CEP83: variants seen among roughly 807,000 people sequenced by gnomAD.
The protein encoded by CEP83 is centrosomal protein 83, also known as centrosomal protein of 83 kDa.
Under a neutral mutation model 101.9 loss-of-function variants are expected in CEP83, and 70 were observed. The ratio of observed to expected loss-of-function variants is 0.69; its 90% confidence interval spans 0.57 to 0.84. The LOEUF is 0.84. Among genes scored for constraint, CEP83 ranks in the 40% least tolerant of loss-of-function variants. The probability of loss-of-function intolerance (pLI) is 0.00; values close to 1 mark genes in which losing one functional copy is unlikely to be tolerated. For synonymous variants in CEP83, 264 were observed against 267.9 expected, an observed-to-expected ratio of 0.99 and a Z score of 0.14; for missense variants, 715 against 787.2, an observed-to-expected ratio of 0.91 and a Z score of 1.10.
the CEP83 span, chr12:94,282,916 G>C: frequency 6.5e-6 from 1 of 153,934 alleles, no homozygotes; most frequent in Admixed American, 6.4e-5. Context: ...GAGTGCCGAG[G>C]GCGGTGAGGG....
intron 14 of CEP83, among the ~76,000 whole-genome samples, chr12:94,314,503 C>T (rs1194514112): frequency 6.6e-6 from 1 of 152,200 alleles, no homozygotes; most frequent in Non-Finnish European, 1.5e-5. Context: ...TTATTTCACT[C>T]AACATTGTTA....
chr12:94,284,300 G>A, the CEP83 span, among the ~76,000 whole-genome samples: 1 of 152,178 alleles, frequency 6.6e-6, no homozygotes, highest in Admixed American at 6.5e-5. Context: ...AGGTGGTTTT[G>A]GGAAAGGGCT....
At chr12:94,323,513 T>C (rs1251471802) in intron 14 of CEP83, among the ~76,000 whole-genome samples, 3 of 152,074 alleles carry the variant, frequency 2.0e-5, no homozygotes, top group Non-Finnish European at 4.4e-5. Flanking sequence ...TGATTGCTCT[T>C]CTCCATTCTT....
intron 14 of CEP83, among the ~76,000 whole-genome samples, chr12:94,329,224 A>G (rs2059103369): frequency 1.3e-5 from 2 of 152,060 alleles, no homozygotes; most frequent in South Asian, 4.1e-4. Flanking sequence ...CTGTCACAAT[A>G]CTAATGAAAT....
chr12:94,300,929 G>T, the CEP83 span: 1 of 1,612,910 alleles, frequency 6.2e-7, no homozygotes, highest in Non-Finnish European at 8.5e-7. Flanking sequence ...TCGCTTCTGG[G>T]TAAACATCCT....
chr12:94,402,518 C>G (rs921077663), intron 5 of CEP83, among the ~76,000 whole-genome samples: 2 of 152,020 alleles, frequency 1.3e-5, no homozygotes, highest in African/African-American at 4.8e-5. Flanking sequence ...CAAAGTAGGC[C>G]CCATTGAGAA....
intron 11 of CEP83, among the ~76,000 whole-genome samples, chr12:94,353,131 G>A (rs545118839): frequency 1.2e-4 from 18 of 152,172 alleles, no homozygotes; most frequent in East Asian, 7.7e-4. Context: ...GAAAATCCCC[G>A]TGAGACAAAC....
intron 1 of CEP83, among the ~76,000 whole-genome samples, chr12:94,436,845 G>T (rs895486193): frequency 6.7e-6 from 1 of 148,212 alleles, no homozygotes; most frequent in Non-Finnish European, 1.5e-5. Context: ...AAAAAAGAAA[G>T]AAGGAAAGAA....
chr12:94,308,734 TA>T lies in CEP83; in HGVS notation c.*78del. ...GTTTTGGCAAACAGTAAAAAGTATCTAAATGCCACAGGTTAAAATGTCAAGT... is the reference window on the plus strand; with the variant it reads ...GTTTTGGCAAACAGTAAAAAGTATCTAATGCCACAGGTTAAAATGTCAAGT... On this transcript the variant is annotated 3_prime_UTR_variant, in exon 17 of 17. Transcript: ENST00000397809. 1 of 958,146 alleles carries T rather than the reference TA, an allele frequency of 1.0e-6. No homozygotes were observed. Among genetic ancestry groups the T allele is most frequent in the Non-Finnish European group, 1.7e-6 (1 of 596,766 alleles). 59.4% of individuals were successfully genotyped at this position (958,146 alleles called of 1,614,324 possible).
Position 94,432,824 on chromosome 12 carries a change from GC to G in CEP83, c.-102+2450del, listed in dbSNP as rs370595909. 9.1e-4 allele frequency among the ~76,000 whole-genome samples: 139 copies of G among 152,236 alleles called. 1 individual carries two copies. Among genetic ancestry groups the G allele is most frequent in the East Asian group, 4.8e-3 (25 of 5,184 alleles). ...CTGACTTGATCATTACACATTCTAT[GC>G]ATGTAACAAATACACATGTACCTCA... On this transcript the variant is annotated intron_variant, in intron 2 of 16. Coordinates refer to ENST00000397809, the MANE Select transcript of CEP83 (RefSeq NM_016122.3).
intron 6 of CEP83, among the ~76,000 whole-genome samples, chr12:94,392,340 C>CA (rs1168486671): frequency 3.9e-5 from 6 of 152,350 alleles, no homozygotes; most frequent in African/African-American, 1.4e-4. Context: ...CAAACTCACT[C>CA]AAAACCACGC....
At chr12:94,406,505 G>T (rs184605399) in intron 4 of CEP83, among the ~76,000 whole-genome samples, 243 of 151,864 alleles carry the variant, frequency 1.6e-3, no homozygotes, top group Middle Eastern at 6.8e-3. Context: ...GGGGCAGGGG[G>T]GATAAACTTA....
chr12:94,308,832 A>G lies in CEP83; in HGVS notation c.2087T>C (p.Leu696Pro). 2 of 1,611,002 alleles carry G rather than the reference A, an allele frequency of 1.2e-6. No individual in the cohort carries two copies. Among genetic ancestry groups the G allele is most frequent in the East Asian group, 4.5e-5 (2 of 44,824 alleles). The change falls in exon 17 of 17, where the codon CTT becomes CCT. Residue 696 changes from leucine to proline, a missense_variant. Transcript: ENST00000397809. ...AGAACATCATTCTCCGGAAGATCCA[A>G]GTTCCTCTAGTTGTTTTCTTTGTGT... ...ETTQRKQLEELGSSGE is the reference protein window; with the variant it reads ...ETTQRKQLEEPGSSGE
intron 14 of CEP83, among the ~76,000 whole-genome samples, chr12:94,318,253 C>T (rs1311787922): frequency 6.6e-6 from 1 of 152,136 alleles, no homozygotes; most frequent in Non-Finnish European, 1.5e-5. Context: ...GATTTTTGTA[C>T]ATTGAGTTTG....
At chr12:94,449,428 T>A (rs1299695012) in intron 1 of CEP83, among the ~76,000 whole-genome samples, 1 of 151,860 alleles carries the variant, frequency 6.6e-6, no homozygotes, top group African/African-American at 2.4e-5. Flanking sequence ...TTAATAATAA[T>A]CAGACAAACC....
rs535927087 is a variant in CEP83, at chr12:94,342,728, C to T, written c.1344-7064G>A. The stretch of plus-strand genomic sequence containing the variant: ...TAAAAATAAGAGGATAAAAGTATAC[C>T]AGGCAAATGGAAACTATATGAAAAC... On this transcript the variant is annotated intron_variant, in intron 11 of 16. Coordinates refer to ENST00000397809, the MANE Select transcript of CEP83 (RefSeq NM_016122.3). Among the ~76,000 whole-genome samples the T allele has an allele frequency of 1.3e-4, 19 of 151,116 alleles. No homozygotes were observed. In the South Asian group the frequency reaches 2.9e-3, roughly 23 times the overall value.
chr12:94,431,845 T>C (rs1421257288), intron 2 of CEP83, among the ~76,000 whole-genome samples: 1 of 152,124 alleles, frequency 6.6e-6, no homozygotes, highest in East Asian at 1.9e-4. Flanking sequence ...GGAATGTAAA[T>C]TAGTACAGCT....
At chr12:94,307,026 G>A (rs1208252470), downstream of CEP83, 1 of 152,208 alleles carries the variant, frequency 6.6e-6, no homozygotes, top group Non-Finnish European at 1.5e-5. Flanking sequence ...CCAAGGGTAG[G>A]AGAGTTGCCC....
intron 11 of CEP83, among the ~76,000 whole-genome samples, chr12:94,349,193 G>A (rs1288248428): frequency 6.6e-6 from 1 of 151,522 alleles, no homozygotes. Context: ...GGCTGAGGCA[G>A]GAGAATCGCT....
Sources: gnomAD v4.1 joint callset for allele counts (sites outside exome capture counted in the v4.1 genomes callset) on GRCh38, gnomAD v4.1.1 for gene constraint, MANE v1.5 for transcripts, NCBI Gene and HGNC (gene_info 2026-07-23, HGNC 2026-07-21) for gene names.